The following PES1 variants were observed in gnomAD, a reference collection of about 807,000 sequenced individuals.
PES1 encodes the protein pescadillo ribosomal biogenesis factor 1.
Under a neutral mutation model 77.1 loss-of-function variants are expected in PES1, and 31 were observed. That is an observed-to-expected ratio of 0.40 (90% confidence interval 0.30 to 0.54). The LOEUF (loss-of-function observed/expected upper bound fraction) is 0.54, where lower values mean the gene tolerates loss of function less well. PES1 is among the 20% of genes least tolerant of loss of function. The probability of loss-of-function intolerance (pLI) is 0.45; values close to 1 mark genes in which losing one functional copy is unlikely to be tolerated. For synonymous variants in PES1, 282 were observed against 303.0 expected (o/e 0.93, Z 0.72); for missense variants, 658 against 771.7 (o/e 0.85, Z 1.75).
At position 30,578,890 on chromosome 22, in the gene PES1, C is replaced by T. The variant is rs146399668; in HGVS notation, c.1630G>A (p.Glu544Lys). The change falls in exon 14 of 15, where the codon GAG (glutamate) becomes AAG (lysine). Residue 544 changes from glutamate (E) to lysine (K), a missense_variant. Transcript: ENST00000354694. ...RLAIMMMKKR[E>K]KYLYQKIMFG... The stretch of plus-strand genomic sequence containing the variant: ...ATGATCTTCTGGTACAGGTACTTCT[C>T]CCGCTTCTTCATCATCATAATGGCC... The T allele has an allele frequency of 1.1e-5, 17 of 1,613,008 alleles. No homozygotes were observed. The highest frequency in any genetic ancestry group is 1.4e-5 in the Non-Finnish European group (17 of 1,180,038).
intron 4 of PES1, 112 bp from the exon 5 acceptor site, chr22:30,584,829 C>T: frequency 9.6e-7 from 1 of 1,046,532 alleles, no homozygotes; most frequent in Non-Finnish European, 1.4e-6. Flanking sequence ...GGCCTCACCA[C>T]TGCCACCTCC....
chr22:30,581,125 T>C, intron 8 of PES1, 24 bp from the exon 9 acceptor site: 1 of 1,578,342 alleles, frequency 6.3e-7, no homozygotes, highest in Non-Finnish European at 8.6e-7. Flanking sequence ...GGGGGCTGCT[T>C]GCAGTGGGGG....
intron 6 of PES1, among the ~76,000 whole-genome samples, chr22:30,582,759 C>T (rs541418070): frequency 1.6e-4 from 25 of 152,284 alleles, no homozygotes; most frequent in South Asian, 8.3e-4. Context: ...CCCTCACTCA[C>T]ACCGCCATCC....
chr22:30,584,546 C>A lies in PES1; in HGVS notation c.540G>T (p.Lys180Asn). Residue 180 changes from lysine (K) to asparagine (N), a missense_variant and splice_region_variant, in exon 5 of 15, where the codon AAG becomes AAT. Transcript: ENST00000354694. ...GCCAGCCGGGCAGTCCCAGGCTCAC[C>A]TTGCGCAGGGCACGGGCAGCGATAA... Reference protein sequence around the residue: ...HYIIAARALRKVFLSIKGIYY... With the variant: ...HYIIAARALRNVFLSIKGIYY... 6.2e-7 allele frequency: 1 copy of A among 1,610,568 alleles called. No homozygotes were observed. Among genetic ancestry groups the A allele is most frequent in the South Asian group, 1.1e-5 (1 of 90,598 alleles).
intron 2 of PES1, among the ~76,000 whole-genome samples, chr22:30,602,922 T>TGA (rs1236439456): frequency 6.6e-6 from 1 of 152,014 alleles, no homozygotes; most frequent in Non-Finnish European, 1.5e-5. Flanking sequence ...TGTGTGTGTG[T>TGA]GTGTGTGAGA....
intron 9 of PES1, 51 bp downstream of exon 9, chr22:30,580,961 C>T (rs2086975349): frequency 1.3e-6 from 2 of 1,496,292 alleles, no homozygotes; most frequent in Admixed American, 1.8e-5. Flanking sequence ...CTGGGAAACC[C>T]CCCACACGAC....
intron 6 of PES1, 93 bp from the exon 7 acceptor site, chr22:30,581,737 A>T: frequency 1.2e-6 from 1 of 839,730 alleles, no homozygotes; most frequent in Middle Eastern, 2.7e-4. Flanking sequence ...TGTCTGACCT[A>T]CCCAAAGACC....
intron 2 of PES1, 60 bp downstream of exon 2, chr22:30,589,131 C>A: frequency 1.6e-6 from 2 of 1,254,342 alleles, no homozygotes; most frequent in Non-Finnish European, 2.3e-6. Flanking sequence ...GACAGGGATG[C>A]AGCTGAGTTT....
chr22:30,579,967 C>T (rs1161926899), intron 11 of PES1, 32 bp from the exon 12 acceptor site: 1 of 1,611,418 alleles, frequency 6.2e-7, no homozygotes, highest in East Asian at 2.2e-5. Context: ...AAACGAGTCA[C>T]AGAGGGCAAC....
At chr22:30,578,679 G>A (rs1282763739) in intron 14 of PES1, among the ~76,000 whole-genome samples, 158 bp downstream of exon 14, 2 of 152,098 alleles carry the variant, frequency 1.3e-5, no homozygotes, top group African/African-American at 2.4e-5. Context: ...GGCCCAGGTC[G>A]GGGGCCCCAA....
Position 30,591,861 on chromosome 22 carries a change from C to T in PES1, c.-28G>A, listed in dbSNP as rs1201700336. Reference sequence around the variant, plus strand: ...CTCCACGTTGAGGAGCCGACTAGGGCCGCGCGTACAGGGAGCTCCACTTCC... The same window carrying T: ...CTCCACGTTGAGGAGCCGACTAGGGTCGCGCGTACAGGGAGCTCCACTTCC... On this transcript the variant is annotated 5_prime_UTR_variant, in exon 1 of 15. Coordinates refer to ENST00000354694, the MANE Select transcript of PES1 (RefSeq NM_014303.4). 2 of 1,548,204 alleles carry T rather than the reference C, an allele frequency of 1.3e-6. No homozygotes were observed. Among genetic ancestry groups the T allele is most frequent in the Admixed American group, 2.0e-5 (1 of 51,058 alleles).
chr22:30,599,221 TAAAC>T (rs2087316833), intron 2 of PES1, among the ~76,000 whole-genome samples: 1 of 152,076 alleles, frequency 6.6e-6, no homozygotes. Context: ...CTTTAATAAA[TAAAC>T]TGGTTTTAAA....
intron 2 of PES1, chr22:30,605,450 C>G (rs887081212): frequency 1.0e-6 from 1 of 985,286 alleles, no homozygotes; most frequent in Non-Finnish European, 1.2e-6. Context: ...AAGGATGCTG[C>G]TGCTTCTCAC....
At chr22:30,597,712 G>A (rs1025812950) in intron 2 of PES1, among the ~76,000 whole-genome samples, 1 of 151,714 alleles carries the variant, frequency 6.6e-6, no homozygotes, top group Non-Finnish European at 1.5e-5. Context: ...ACACCAATCA[G>A]CACCCTGTCA....
Position 30,580,383 on chromosome 22 carries a change from AT to A in PES1, c.1043+187del, listed in dbSNP as rs938843664. ...CCTTCTGTGCTAAGCTAGTAATAAA[AT>A]GACGGCAGTTCCGCCCTCTGCTGAG... On this transcript the variant is annotated intron_variant, in intron 10 of 14. Transcript: ENST00000354694. 2.0e-4 allele frequency among the ~76,000 whole-genome samples: 31 copies of A among 152,334 alleles called. 1 individual carries two copies. The highest frequency in any genetic ancestry group is 1.8e-3 in the Admixed American group (27 of 15,308).
At chr22:30,606,967 C>T in exon 1 of PES1, 4 of 888,144 alleles carry the variant, frequency 4.5e-6, no homozygotes, top group Non-Finnish European at 5.8e-6. Context: ...GTCGGACAGA[C>T]TTGACAGATC....
chr22:30,583,219 G>A (rs1008635051), intron 6 of PES1, among the ~76,000 whole-genome samples: 5 of 152,198 alleles, frequency 3.3e-5, no homozygotes, highest in Admixed American at 1.3e-4. Flanking sequence ...ACCCACACGT[G>A]CCCCAGGGGG....
chr22:30,599,827 C>A (rs1442708615), intron 2 of PES1, among the ~76,000 whole-genome samples: 3 of 151,976 alleles, frequency 2.0e-5, no homozygotes, highest in African/African-American at 2.4e-5. Flanking sequence ...TTGAACCTGG[C>A]AGGCAGAGGT....
chr22:30,605,351 G>C, intron 2 of PES1: 1 of 449,910 alleles, frequency 2.2e-6, no homozygotes. Flanking sequence ...CCACCCTCTA[G>C]CACTGAGTCC....
Sources: gnomAD v4.1 joint callset for allele counts (sites outside exome capture counted in the v4.1 genomes callset) on GRCh38, gnomAD v4.1.1 for gene constraint, MANE v1.5 for transcripts, NCBI Gene and HGNC (gene_info 2026-07-23, HGNC 2026-07-21) for gene names.